The following PTPRT variants were observed in gnomAD, a reference collection of about 807,000 sequenced individuals.
PTPRT encodes receptor-type tyrosine-protein phosphatase T.
A neutral mutation model predicts 176.8 loss-of-function variants in PTPRT; 56 were observed. The ratio of observed to expected loss-of-function variants is 0.32; its 90% confidence interval spans 0.26 to 0.40. The LOEUF (loss-of-function observed/expected upper bound fraction) is 0.40. Among genes scored for constraint, PTPRT ranks in the 10% least tolerant of loss-of-function variants. The pLI is 1.00. For synonymous variants in PTPRT, 783 were observed against 739.0 expected, an observed-to-expected ratio of 1.06 and a Z score of -0.96; for missense variants, 1,540 against 1,908.2, an observed-to-expected ratio of 0.81 and a Z score of 3.60.
At chr20:42,143,199 TG>T (rs1348018053) in intron 17 of PTPRT, among the ~76,000 whole-genome samples, 3 of 152,114 alleles carry the variant, frequency 2.0e-5, no homozygotes, top group Non-Finnish European at 2.9e-5. Context: ...AAGTACAATC[TG>T]GCTCATGTAT....
intron 1 of PTPRT, among the ~76,000 whole-genome samples, chr20:42,989,463 T>C (rs1019599598): frequency 6.0e-4 from 91 of 152,334 alleles, no homozygotes; most frequent in Non-Finnish European, 1.0e-3. Flanking sequence ...ATGTGGCTGG[T>C]GCCCTTCCTG....
chr20:42,079,805 C>T lies in PTPRT; in HGVS notation c.*1074G>A, dbSNP rs1379519838. 4.3e-6 allele frequency: 1 copy of T among 230,208 alleles called. No homozygotes were observed. Among genetic ancestry groups the T allele is most frequent in the Non-Finnish European group, 8.6e-6 (1 of 116,192 alleles). 14.3% of individuals were successfully genotyped at this position (230,208 alleles called of 1,614,324 possible). On this transcript the variant is annotated 3_prime_UTR_variant, in exon 31 of 31. Coordinates refer to ENST00000373187, the MANE Select transcript of PTPRT (RefSeq NM_007050.6). ...AAACCAAAGGGACCATCTTCAGGCT[C>T]ACCCATCTCTCCTTGCTCAGTGGCA...
At chr20:42,936,175 T>C (rs1240397029) in intron 1 of PTPRT, among the ~76,000 whole-genome samples, 2 of 151,902 alleles carry the variant, frequency 1.3e-5, no homozygotes, top group East Asian at 1.9e-4. Flanking sequence ...ATAACAGCTA[T>C]AGAGAAAGCA....
At chr20:42,178,296 T>C (rs1295504633) in intron 16 of PTPRT, among the ~76,000 whole-genome samples, 1 of 152,032 alleles carries the variant, frequency 6.6e-6, no homozygotes, top group Non-Finnish European at 1.5e-5. Context: ...ATTCTCATAG[T>C]AATAAAGGTG....
intron 7 of PTPRT, among the ~76,000 whole-genome samples, chr20:42,494,479 C>A (rs2071616619): frequency 6.6e-6 from 1 of 152,092 alleles, no homozygotes; most frequent in Non-Finnish European, 1.5e-5. Flanking sequence ...TCTCAGATAT[C>A]AATGACTAAC....
intron 1 of PTPRT, among the ~76,000 whole-genome samples, chr20:43,121,803 T>C (rs555847521): frequency 1.3e-5 from 2 of 152,262 alleles, no homozygotes; most frequent in Non-Finnish European, 2.9e-5. Flanking sequence ...AGGAATTTCC[T>C]TGAATTTTTC....
At chr20:42,123,307 T>G (rs1348007650) in intron 19 of PTPRT, among the ~76,000 whole-genome samples, 3 of 152,244 alleles carry the variant, frequency 2.0e-5, no homozygotes, top group Admixed American at 2.0e-4. Flanking sequence ...TTTTGTGAAT[T>G]CATTTGTTTG....
At chr20:42,189,126 G>A (rs1291603783) in intron 16 of PTPRT, among the ~76,000 whole-genome samples, 2 of 152,068 alleles carry the variant, frequency 1.3e-5, no homozygotes, top group Non-Finnish European at 2.9e-5. Context: ...TTCCAGCTTC[G>A]TCTCTGGCCA....
intron 7 of PTPRT, among the ~76,000 whole-genome samples, chr20:42,538,789 T>C (rs530311123): frequency 7.2e-5 from 11 of 152,292 alleles, no homozygotes; most frequent in African/African-American, 2.6e-4. Context: ...AATCTGCCAC[T>C]TCCAGTCCAG....
chr20:42,820,640 G>A (rs1038360607), intron 2 of PTPRT, among the ~76,000 whole-genome samples: 7 of 151,522 alleles, frequency 4.6e-5, no homozygotes, highest in Non-Finnish European at 7.4e-5. Context: ...ATGGTTTTTC[G>A]AAAAAATTAA....
intron 11 of PTPRT, among the ~76,000 whole-genome samples, chr20:42,339,259 T>G (rs2058080185): frequency 6.6e-6 from 1 of 152,198 alleles, no homozygotes. Flanking sequence ...GCTGTCAGCA[T>G]GCAACAACAC....
intron 6 of PTPRT, among the ~76,000 whole-genome samples, chr20:42,725,948 T>C (rs905564702): frequency 3.3e-5 from 5 of 151,992 alleles, no homozygotes; most frequent in African/African-American, 1.2e-4. Context: ...CCAGATAAAT[T>C]GGTATAATTT....
Position 43,068,423 on chromosome 20 carries a change from G to A in PTPRT, c.88+121223C>T, listed in dbSNP as rs568994521. 2.0e-4 allele frequency among the ~76,000 whole-genome samples: 30 copies of A among 150,262 alleles called. No individual in the cohort carries two copies. The East Asian group carries it at 2.8e-3, about 14-fold the overall frequency. On this transcript the variant is annotated intron_variant, in intron 1 of 30. Transcript: ENST00000373187. The stretch of plus-strand genomic sequence containing the variant: ...CAGGAGGCTGAGGCAGAAGAATGGC[G>A]TGAACCCGGGAGGCGGAGGTTGCAG...
intron 3 of PTPRT, among the ~76,000 whole-genome samples, chr20:42,788,932 A>G (rs1391015239): frequency 6.6e-6 from 1 of 152,242 alleles, no homozygotes; most frequent in Non-Finnish European, 1.5e-5. Flanking sequence ...TTTGACAACC[A>G]CGAGCTACTG....
chr20:42,254,327 G>A (rs1426982505), intron 13 of PTPRT, among the ~76,000 whole-genome samples: 1 of 152,150 alleles, frequency 6.6e-6, no homozygotes, highest in Non-Finnish European at 1.5e-5. Flanking sequence ...GGCGAAACTT[G>A]GGAGTCTATA....
At chr20:42,185,761 C>T (rs1401386705) in intron 16 of PTPRT, among the ~76,000 whole-genome samples, 6 of 152,160 alleles carry the variant, frequency 3.9e-5, no homozygotes, top group Non-Finnish European at 7.4e-5. Flanking sequence ...TTCATCTACC[C>T]ATCTGTCAAC....
At chr20:42,986,937 T>TCA (rs1444546498) in intron 1 of PTPRT, among the ~76,000 whole-genome samples, 2 of 152,260 alleles carry the variant, frequency 1.3e-5, no homozygotes, top group East Asian at 3.9e-4. Context: ...GCAGTTGCTG[T>TCA]CTTAGAGGCC....
chr20:42,218,205 TG>T (rs2055815319), intron 15 of PTPRT, among the ~76,000 whole-genome samples: 1 of 152,088 alleles, frequency 6.6e-6, no homozygotes, highest in South Asian at 2.1e-4. Context: ...CCATTAAAAA[TG>T]AAAACCATGT....
intron 7 of PTPRT, among the ~76,000 whole-genome samples, chr20:42,551,457 G>T (rs1316327074): frequency 6.6e-6 from 1 of 152,146 alleles, no homozygotes; most frequent in Admixed American, 6.5e-5. Context: ...AATTGATGCT[G>T]CCTACACTAT....
Sources: gnomAD v4.1 joint callset for allele counts (sites outside exome capture counted in the v4.1 genomes callset) on GRCh38, gnomAD v4.1.1 for gene constraint, MANE v1.5 for transcripts, NCBI Gene and HGNC (gene_info 2026-07-23, HGNC 2026-07-21) for gene names.